The following DMD variants were observed in gnomAD, a reference collection of about 807,000 sequenced individuals.
DMD encodes the protein dystrophin, also known as mutant dystrophin.
Under a neutral mutation model 330.1 loss-of-function variants are expected in DMD, and 63 were observed. That is an observed-to-expected ratio of 0.19 (90% CI 0.16 to 0.24). The LOEUF is 0.24. Ranked by LOEUF, DMD falls within the 10% of genes least tolerant of loss-of-function variation. The probability of loss-of-function intolerance (pLI) is 1.00; values close to 1 mark genes in which losing one functional copy is unlikely to be tolerated. For missense variants in DMD, 3,344 were observed against 2,684.1 expected, an observed-to-expected ratio of 1.25 and a Z score of -5.43; for synonymous variants, 1,223 against 959.8, an observed-to-expected ratio of 1.27 and a Z score of -5.07.
chrX:31,514,921 A>ACATT (rs1220336961), intron 55 of DMD, among the ~76,000 whole-genome samples: 1 of 111,726 alleles, frequency 9.0e-6, no homozygotes, highest in Non-Finnish European at 1.9e-5. Flanking sequence ...ATGGACAATG[A>ACATT]GAGTTGAGAG....
intron 30 of DMD, among the ~76,000 whole-genome samples, chrX:32,406,302 A>G (rs2098116675): frequency 9.0e-6 from 1 of 111,490 alleles, no homozygotes. Context: ...GAATAGGAGC[A>G]GTGAGAGAGG....
chrX:32,744,601 C>T (rs749448615), intron 7 of DMD, among the ~76,000 whole-genome samples: 2 of 111,278 alleles, frequency 1.8e-5, no homozygotes, highest in Non-Finnish European at 3.8e-5. Context: ...TCCCTCCAAA[C>T]CTCGTTATTT....
At chrX:31,942,715 A>T (rs1364705118) in intron 45 of DMD, among the ~76,000 whole-genome samples, 1 of 111,752 alleles carries the variant, frequency 8.9e-6, no homozygotes, top group African/African-American at 3.3e-5. Context: ...AGCCCCTCAT[A>T]ATGTTTCCAT....
intron 12 of DMD, among the ~76,000 whole-genome samples, chrX:32,604,315 A>T (rs1179517282): frequency 9.0e-6 from 1 of 110,810 alleles, no homozygotes; most frequent in Non-Finnish European, 1.9e-5. Flanking sequence ...GATCATCTCA[A>T]TAGATGCAGA....
At chrX:31,538,167 A>G (rs974587954) in intron 55 of DMD, among the ~76,000 whole-genome samples, 14 of 112,041 alleles carry the variant, frequency 1.2e-4, no homozygotes, top group Non-Finnish European at 2.3e-4. Context: ...TATCACAGCT[A>G]ACGGGGGCTG....
At chrX:32,637,006 G>T (rs1422824641) in intron 11 of DMD, among the ~76,000 whole-genome samples, 2 of 109,403 alleles carry the variant, frequency 1.8e-5, no homozygotes, top group East Asian at 5.7e-4. Context: ...AAAAAAAAAA[G>T]AAAAAGAAAA....
At chrX:32,009,785 T>C (rs1424348781) in intron 44 of DMD, among the ~76,000 whole-genome samples, 5 of 111,812 alleles carry the variant, frequency 4.5e-5, no homozygotes, top group Admixed American at 9.5e-5. Flanking sequence ...CCAGATGAGC[T>C]TCCAAGAAAA....
chrX:32,135,168 T>C (rs2096718563), intron 44 of DMD, among the ~76,000 whole-genome samples: 1 of 112,389 alleles, frequency 8.9e-6, no homozygotes, highest in Non-Finnish European at 1.9e-5. Context: ...CTAGATTATT[T>C]GAGCTATAGA....
At chrX:32,453,631 A>G (rs1255154667) in intron 26 of DMD, among the ~76,000 whole-genome samples, 1 of 110,754 alleles carries the variant, frequency 9.0e-6, no homozygotes, top group Middle Eastern at 4.6e-3. Context: ...TGTGCTAGGC[A>G]TTGTGTTAGA....
At chrX:33,020,584 G>A (rs914310610) in intron 1 of DMD, among the ~76,000 whole-genome samples, 8 of 111,559 alleles carry the variant, frequency 7.2e-5, no homozygotes, top group Non-Finnish European at 1.3e-4. Context: ...TGAGGCAGGA[G>A]AATCATTTGA....
intron 44 of DMD, among the ~76,000 whole-genome samples, chrX:32,091,449 C>A (rs778983467): frequency 1.1e-4 from 12 of 111,034 alleles, no homozygotes; most frequent in Non-Finnish European, 2.3e-4. Flanking sequence ...ATAATGGAAG[C>A]TTTAGAAACC....
chrX:31,539,766 C>T (rs1438594515), intron 55 of DMD, among the ~76,000 whole-genome samples: 2 of 111,947 alleles, frequency 1.8e-5, no homozygotes, highest in African/African-American at 6.5e-5. Flanking sequence ...GGACTTTTGT[C>T]CCAGTGTGAA....
At position 31,836,735 on chromosome X, in the gene DMD, C is replaced by T. The variant is rs72466590; in HGVS notation, c.7183G>A (p.Ala2395Thr). The T allele has an allele frequency of 1.7e-3, 2,101 of 1,209,410 alleles. 4 individuals carry two copies. Among genetic ancestry groups the T allele is most frequent in the Non-Finnish European group, 2.2e-3 (1,955 of 894,499 alleles). The change falls in exon 49 of 79, where the codon GCC becomes ACC. Residue 2395 changes from alanine to threonine, a missense_variant. Coordinates refer to ENST00000357033, the MANE Select transcript of DMD (RefSeq NM_004006.3). The part of the protein sequence containing the change: ...KGQHLYKEKP[A>T]TQPVKRKLED... ...TTCATTACCTTCACTGGCTGAGTGG[C>T]TGGTTTTTCCTTGTACAAATGCTGC...
chrX:33,006,461 C>A (rs1602580154), intron 2 of DMD, among the ~76,000 whole-genome samples: 1 of 111,822 alleles, frequency 8.9e-6, no homozygotes, highest in South Asian at 3.7e-4. Context: ...TGATCTTTGA[C>A]AAACGAGCAA....
intron 55 of DMD, among the ~76,000 whole-genome samples, chrX:31,626,984 G>T (rs1266365738): frequency 9.0e-6 from 1 of 111,357 alleles, no homozygotes; most frequent in South Asian, 3.8e-4. Flanking sequence ...ATTATATCAG[G>T]TATTGAGAAT....
chrX:31,202,008 C>T (rs184819563), intron 67 of DMD, among the ~76,000 whole-genome samples: 34 of 110,816 alleles, frequency 3.1e-4, no homozygotes, highest in African/African-American at 1.1e-3. Flanking sequence ...GCCTGGCCAA[C>T]ATGGTGAAAC....
chrX:33,039,116 T>A (rs930506572), intron 1 of DMD, among the ~76,000 whole-genome samples: 2 of 112,290 alleles, frequency 1.8e-5, no homozygotes, highest in African/African-American at 3.2e-5. Flanking sequence ...TCATATTCCC[T>A]CTTTTCCGTT....
At chrX:32,132,897 A>T (rs1852502103) in intron 44 of DMD, among the ~76,000 whole-genome samples, 1 of 110,027 alleles carries the variant, frequency 9.1e-6, no homozygotes, top group Non-Finnish European at 1.9e-5. Context: ...GTAAAAGGAG[A>T]CCCAAAATGT....
chrX:32,624,883 T>A (rs1490470076), intron 11 of DMD, among the ~76,000 whole-genome samples: 1 of 112,166 alleles, frequency 8.9e-6, no homozygotes, highest in Non-Finnish European at 1.9e-5. Flanking sequence ...TGTTAGAATG[T>A]AGGAAGGCGG....
Sources: allele counts gnomAD v4.1 joint callset (sites outside exome capture counted in the v4.1 genomes callset), GRCh38; gene constraint gnomAD v4.1.1; transcripts MANE v1.5; gene names NCBI Gene and HGNC (gene_info 2026-07-23, HGNC 2026-07-21).